Variants in AGAP1 observed in about 807,000 individuals in gnomAD.
AGAP1 encodes ArfGAP with GTPase domain, ankyrin repeat and PH domain 1, also known as arf-GAP with GTPase, ANK repeat and PH domain-containing protein 1.
A neutral mutation model predicts 105.3 loss-of-function variants in AGAP1; 29 were observed. That is an observed-to-expected ratio of 0.28 (90% CI 0.21 to 0.38). The LOEUF (loss-of-function observed/expected upper bound fraction) is 0.38, where lower values mean the gene tolerates loss of function less well. Ranked by LOEUF, AGAP1 falls within the 10% of genes least tolerant of loss-of-function variation. The probability of loss-of-function intolerance (pLI) is 1.00; values close to 1 mark genes in which losing one functional copy is unlikely to be tolerated. For synonymous variants in AGAP1, 509 were observed against 485.9 expected (o/e 1.05, Z -0.63); for missense variants, 998 against 1,165.1 (o/e 0.86, Z 2.09).
rs2059602146 is a variant in AGAP1, at chr2:236,109,969, C to T, written c.2115-10223C>T. On this transcript the variant is annotated intron_variant, in intron 16 of 17. Transcript: ENST00000304032. This position sits in a 1 kb window ranked among gnomAD's most constrained non-coding sequence, Gnocchi z 5.4. ...AAATGATGCTGTGGATCCACCTAGA[C>T]TCTCAAAGCCCAGAGAGTCTGGTTG... 6.6e-6 allele frequency among the ~76,000 whole-genome samples: 1 copy of T among 152,160 alleles called. No homozygotes were observed. The highest frequency in any genetic ancestry group is 1.5e-5 in the Non-Finnish European group (1 of 68,026).
In AGAP1 at chr2:235,791,403, T is replaced by G. The variant is rs540347124; in HGVS notation, c.674-6356T>G. The stretch of plus-strand genomic sequence containing the variant: ...GCCCCCTATGGTTCGAATGGAAGAT[T>G]CTTTCTTTTTCTTTTCTTTTCTTTT... On this transcript the variant is annotated intron_variant, in intron 6 of 17. Transcript: ENST00000304032. Among the ~76,000 whole-genome samples, 9 of 152,250 alleles carry G rather than the reference T, an allele frequency of 5.9e-5. No homozygotes were observed. The East Asian group carries it at 1.7e-3, about 29-fold the overall frequency.
Position 235,919,972 on chromosome 2 carries a change from T to C in AGAP1, c.1325-10793T>C, listed in dbSNP as rs2052097311. 6.6e-6 allele frequency among the ~76,000 whole-genome samples: 1 copy of C among 152,206 alleles called. No individual in the cohort carries two copies. The highest frequency in any genetic ancestry group is 2.4e-5 in the African/African-American group (1 of 41,448). On this transcript the variant is annotated intron_variant, in intron 11 of 17. Coordinates refer to ENST00000304032, the MANE Select transcript of AGAP1 (RefSeq NM_001037131.3). This position sits in a 1 kb window ranked among gnomAD's most constrained non-coding sequence, Gnocchi z 4.1. Reference sequence around the variant, plus strand: ...CGGAATCTGGAGCAGCACGTGTTCCTTCAGCAGATAAAAATGGCAAAATGA... The same window carrying C: ...CGGAATCTGGAGCAGCACGTGTTCCCTCAGCAGATAAAAATGGCAAAATGA...
rs1236970017 is a variant in AGAP1, at chr2:235,701,184, G to A, written c.164-7995G>A. ...TATTTTATATATTTATATATATGGGGGGGTGGAAATCACTATCCTCTAAGA... is the reference window on the plus strand; with the variant it reads ...TATTTTATATATTTATATATATGGGAGGGTGGAAATCACTATCCTCTAAGA... On this transcript the variant is annotated intron_variant, in intron 1 of 17. Coordinates refer to ENST00000304032, the MANE Select transcript of AGAP1 (RefSeq NM_001037131.3). The surrounding 1 kb of genome is among the most constrained non-coding windows in gnomAD (Gnocchi z 4.1). Among the ~76,000 whole-genome samples, 1 of 150,774 alleles carries A rather than the reference G, an allele frequency of 6.6e-6. No homozygotes were observed. The highest frequency in any genetic ancestry group is 1.5e-5 in the Non-Finnish European group (1 of 67,834).
chr2:235,980,065 C>G (rs559762652), intron 13 of AGAP1, among the ~76,000 whole-genome samples: 1 of 152,298 alleles, frequency 6.6e-6, no homozygotes, highest in South Asian at 2.1e-4. Context: ...CAGTAATGAT[C>G]TTATTACAGT....
intron 1 of AGAP1, among the ~76,000 whole-genome samples, chr2:235,654,699 A>G (rs1947717407): frequency 6.6e-6 from 1 of 152,198 alleles, no homozygotes; most frequent in South Asian, 2.1e-4. Context: ...ACATGCTTCT[A>G]ATCATACCCA....
chr2:235,897,574 C>T (rs968319089), intron 10 of AGAP1, among the ~76,000 whole-genome samples: 1 of 152,108 alleles, frequency 6.6e-6, no homozygotes, highest in East Asian at 1.9e-4. Flanking sequence ...TATGTCAGAT[C>T]GTCTCTGGCC....
Position 235,734,197 on chromosome 2 carries a change from C to T in AGAP1, c.311-6766C>T, listed in dbSNP as rs1332235109. On this transcript the variant is annotated intron_variant, in intron 3 of 17. Coordinates refer to ENST00000304032, the MANE Select transcript of AGAP1 (RefSeq NM_001037131.3). This position sits in a 1 kb window ranked among gnomAD's most constrained non-coding sequence, Gnocchi z 5.3. ...CAGTTTGCAGATTTTCTCCCGATGT[C>T]ATCATGGCACTCAGTAACAAGGAAT... Among the ~76,000 whole-genome samples, 2 of 152,316 alleles carry T rather than the reference C, an allele frequency of 1.3e-5. No homozygotes were observed. Among genetic ancestry groups the T allele is most frequent in the Non-Finnish European group, 1.5e-5 (1 of 68,040 alleles).
At position 235,729,681 on chromosome 2, in the gene AGAP1, C is replaced by T. The variant is rs908256619; in HGVS notation, c.311-11282C>T. 6.6e-6 allele frequency among the ~76,000 whole-genome samples: 1 copy of T among 152,130 alleles called. No individual in the cohort carries two copies. The highest frequency in any genetic ancestry group is 1.5e-5 in the Non-Finnish European group (1 of 68,042). On this transcript the variant is annotated intron_variant, in intron 3 of 17. Transcript: ENST00000304032. This position sits in a 1 kb window ranked among gnomAD's most constrained non-coding sequence, Gnocchi z 5.0. ...CCTTCCATTAAAGCCATTACAGTGT[C>T]ACCACAGGATTGTAAGAATTACAAA... is the stretch of plus-strand genomic sequence containing the variant.
chr2:235,570,891 C>T (rs563012499), intron 1 of AGAP1, among the ~76,000 whole-genome samples: 4 of 152,274 alleles, frequency 2.6e-5, no homozygotes, highest in African/African-American at 4.8e-5. Flanking sequence ...TGTTCTCACA[C>T]GGCTATAAAG....
In AGAP1 at chr2:235,615,691, GT is replaced by G. The variant is rs1321708254; in HGVS notation, c.164-93482del. ...TATTGTGAAACTAGGTCAAATTATTGTTTTTTCTCTTTATGCTCATAGCCAT... is the reference window on the plus strand; with the variant it reads ...TATTGTGAAACTAGGTCAAATTATTGTTTTTCTCTTTATGCTCATAGCCAT... On this transcript the variant is annotated intron_variant, in intron 1 of 17. Transcript: ENST00000304032. This position sits in a 1 kb window ranked among gnomAD's most constrained non-coding sequence, Gnocchi z 5.0. Among the ~76,000 whole-genome samples, 2 of 152,174 alleles carry G rather than the reference GT, an allele frequency of 1.3e-5. No individual in the cohort carries two copies. Among genetic ancestry groups the G allele is most frequent in the Non-Finnish European group, 2.9e-5 (2 of 68,002 alleles).
rs934105034 is a variant in AGAP1, at chr2:235,900,342, C to T, written c.1156-8396C>T. Among the ~76,000 whole-genome samples the T allele has an allele frequency of 2.8e-4, 42 of 151,554 alleles. No individual in the cohort carries two copies. The highest frequency in any genetic ancestry group is 2.1e-3 in the Admixed American group (32 of 15,150). ...CTGTTGACTTTGAGGTAGGAGGAGC[C>T]CAAAGTGGCCAGGTGACAATCTTAC... On this transcript the variant is annotated intron_variant, in intron 10 of 17. Coordinates refer to ENST00000304032, the MANE Select transcript of AGAP1 (RefSeq NM_001037131.3). This position sits in a 1 kb window ranked among gnomAD's most constrained non-coding sequence, Gnocchi z 5.5.
chr2:235,506,749 CTT>C (rs1941831769), intron 1 of AGAP1, among the ~76,000 whole-genome samples: 1 of 152,176 alleles, frequency 6.6e-6, no homozygotes, highest in African/African-American at 2.4e-5. Context: ...AGCACACACT[CTT>C]GTTTTCCTCA....
In AGAP1 at chr2:235,951,734, A is replaced by G. The variant is rs2053748250; in HGVS notation, c.1484-16728A>G. On this transcript the variant is annotated intron_variant, in intron 12 of 17. Transcript: ENST00000304032. This position sits in a 1 kb window ranked among gnomAD's most constrained non-coding sequence, Gnocchi z 4.2. ...TGGTACAAAATAAACATTTCCTCCT[A>G]TCCTGGATGACTGGAGCCTTGGGCT... 6.6e-6 allele frequency among the ~76,000 whole-genome samples: 1 copy of G among 152,108 alleles called. No homozygotes were observed. The highest frequency in any genetic ancestry group is 6.5e-5 in the Admixed American group (1 of 15,274).
At chr2:235,506,336 G>C (rs969038783) in intron 1 of AGAP1, among the ~76,000 whole-genome samples, 6 of 152,134 alleles carry the variant, frequency 3.9e-5, no homozygotes, top group African/African-American at 1.4e-4. Context: ...GGAGGCCGAA[G>C]TGGGAGGATT....
At position 236,035,645 on chromosome 2, in the gene AGAP1, T is replaced by C. The variant is rs1283113796; in HGVS notation, c.1646-916T>C. ...TCTCAAAAACAGTTCTTCGTGGTTG[T>C]ATGCAATTAGTTATGCTTTTTGCCA... is the stretch of plus-strand genomic sequence containing the variant. On this transcript the variant is annotated intron_variant, in intron 13 of 17. Coordinates refer to ENST00000304032, the MANE Select transcript of AGAP1 (RefSeq NM_001037131.3). This position sits in a 1 kb window ranked among gnomAD's most constrained non-coding sequence, Gnocchi z 4.2. Among the ~76,000 whole-genome samples the C allele has an allele frequency of 1.3e-5, 2 of 152,140 alleles. No homozygotes were observed. Among genetic ancestry groups the C allele is most frequent in the Non-Finnish European group, 2.9e-5 (2 of 68,026 alleles).
chr2:235,748,868 T>C (rs938975745), intron 5 of AGAP1, among the ~76,000 whole-genome samples: 1 of 152,234 alleles, frequency 6.6e-6, no homozygotes, highest in African/African-American at 2.4e-5. Context: ...ATTGTTTTCT[T>C]TGGCATAAGA....
At chr2:236,074,426 G>A (rs1217780737) in intron 16 of AGAP1, among the ~76,000 whole-genome samples, 1 of 152,184 alleles carries the variant, frequency 6.6e-6, no homozygotes, top group African/African-American at 2.4e-5. Context: ...ACTCTGGGAA[G>A]TTAATGAGCA....
At chr2:235,589,211 T>TTTTTTG (rs1945246053) in intron 1 of AGAP1, among the ~76,000 whole-genome samples, 2 of 131,072 alleles carry the variant, frequency 1.5e-5, no homozygotes, top group African/African-American at 6.1e-5. Flanking sequence ...TTTTTTTTTT[T>TTTTTTG]TTTTTTTTTT....
intron 12 of AGAP1, among the ~76,000 whole-genome samples, chr2:235,945,339 C>T (rs1013633694): frequency 6.6e-6 from 1 of 152,114 alleles, no homozygotes; most frequent in Non-Finnish European, 1.5e-5. Context: ...CTCCTGACCT[C>T]GTGATCCACC....
Sources: allele counts gnomAD v4.1 joint callset (sites outside exome capture counted in the v4.1 genomes callset), GRCh38; gene constraint gnomAD v4.1.1; non-coding constraint Gnocchi (gnomAD v3.1); transcripts MANE v1.5; gene names NCBI Gene and HGNC (gene_info 2026-07-23, HGNC 2026-07-21).